Variants in GBP7 observed in about 807,000 individuals in gnomAD.
The protein encoded by GBP7 is guanylate-binding protein 7.
Under a neutral mutation model 61.3 loss-of-function variants are expected in GBP7, and 43 were observed. The observed-to-expected ratio is 0.70, with a 90% CI of 0.55 to 0.91. The LOEUF (loss-of-function observed/expected upper bound fraction) is 0.91, where lower values mean the gene tolerates loss of function less well. Ranked by LOEUF, GBP7 falls within the 40% of genes least tolerant of loss-of-function variation. The pLI, the probability that GBP7 is intolerant of heterozygous loss-of-function variation, is 0.00. For synonymous variants in GBP7, 267 were observed against 271.0 expected, an observed-to-expected ratio of 0.99 and a Z score of 0.14; for missense variants, 717 against 740.5, an observed-to-expected ratio of 0.97 and a Z score of 0.37.
chr1:89,152,809 A>C, intron 3 of GBP7, 32 bp from the exon 4 acceptor site: 1 of 1,499,986 alleles, frequency 6.7e-7, no homozygotes, highest in Non-Finnish European at 9.1e-7. Flanking sequence ...AAAAAAATGG[A>C]AGCCACAGTT....
intron 2 of GBP7, among the ~76,000 whole-genome samples, chr1:89,167,203 T>C (rs1299774967): frequency 6.6e-6 from 1 of 152,198 alleles, no homozygotes; most frequent in Non-Finnish European, 1.5e-5. Context: ...GGTATTCACT[T>C]GTTGAGCCCT....
chr1:89,163,716 C>G (rs1647340309), intron 3 of GBP7, among the ~76,000 whole-genome samples: 1 of 152,114 alleles, frequency 6.6e-6, no homozygotes, highest in African/African-American at 2.4e-5. Context: ...AGCCAATTTG[C>G]AAATTTTTGT....
intron 8 of GBP7, among the ~76,000 whole-genome samples, chr1:89,142,609 A>G (rs1235667085): frequency 6.6e-6 from 1 of 152,170 alleles, no homozygotes; most frequent in Non-Finnish European, 1.5e-5. Flanking sequence ...AAAATGGGAA[A>G]TTACCAATCA....
At position 89,149,363 on chromosome 1, in the gene GBP7, T is replaced by G. The variant is rs748355172; in HGVS notation, c.1081A>C (p.Arg361=). 3.1e-6 allele frequency: 5 copies of G among 1,614,174 alleles called. No homozygotes were observed. The South Asian group carries it at 4.4e-5, about 14-fold the overall frequency. ...TCCATGAAGACTGCAATGGCTTCCC[T>G]CTCACAAACTGCATGCACGTCCAGC... The part of the protein sequence containing the change: ...ELLDVHAVCE[R]EAIAVFMEYS... The change falls in exon 7 of 11, where the codon AGG becomes CGG. Residue 361 remains arginine, a synonymous_variant. Coordinates refer to ENST00000294671, the MANE Select transcript of GBP7 (RefSeq NM_207398.3).
At chr1:89,147,939 A>G (rs367940305) in intron 7 of GBP7, among the ~76,000 whole-genome samples, 160 bp from the exon 8 acceptor site, 24 of 152,328 alleles carry the variant, frequency 1.6e-4, no homozygotes, top group African/African-American at 4.6e-4. Context: ...GTTCTGGTCA[A>G]TTCTCTGCAT....
intron 3 of GBP7, among the ~76,000 whole-genome samples, chr1:89,163,214 G>A (rs1647324429): frequency 6.6e-6 from 1 of 152,034 alleles, no homozygotes; most frequent in Admixed American, 6.6e-5. Flanking sequence ...ATATTGGCCT[G>A]AAATTTTCTC....
At chr1:89,160,613 G>C (rs1049080812) in intron 3 of GBP7, among the ~76,000 whole-genome samples, 3 of 152,136 alleles carry the variant, frequency 2.0e-5, no homozygotes, top group African/African-American at 7.2e-5. Flanking sequence ...TATTTACTGA[G>C]TGCTTAGAAT....
chr1:89,134,377 A>C (rs929577287), intron 9 of GBP7, among the ~76,000 whole-genome samples: 3 of 152,076 alleles, frequency 2.0e-5, no homozygotes, highest in African/African-American at 7.2e-5. Context: ...GCTGCTCACC[A>C]ATGACCTTGG....
At chr1:89,167,547 G>A (rs1168027911) in intron 2 of GBP7, among the ~76,000 whole-genome samples, 1 of 152,156 alleles carries the variant, frequency 6.6e-6, no homozygotes, top group Non-Finnish European at 1.5e-5. Flanking sequence ...CATCTGCCAA[G>A]AGCAAAAATA....
intron 2 of GBP7, among the ~76,000 whole-genome samples, chr1:89,167,090 C>T (rs1485341971): frequency 1.2e-4 from 19 of 152,244 alleles, no homozygotes; most frequent in Middle Eastern, 6.8e-3. Flanking sequence ...CTTTGGAGAA[C>T]TACTTTCTCT....
At chr1:89,142,312 C>G (rs1237867455) in intron 8 of GBP7, among the ~76,000 whole-genome samples, 5 of 152,100 alleles carry the variant, frequency 3.3e-5, no homozygotes, top group Non-Finnish European at 7.4e-5. Context: ...AGCACAAGTT[C>G]AATGGTATTA....
chr1:89,150,486 G>A lies in GBP7; in HGVS notation c.715C>T (p.Pro239Ser), dbSNP rs754174586. 1.9e-6 allele frequency: 3 copies of A among 1,613,970 alleles called. No homozygotes were observed. Among genetic ancestry groups the A allele is most frequent in the East Asian group, 4.5e-5 (2 of 44,864 alleles). Residue 239 changes from proline to serine, a missense_variant, in exon 6 of 11, where the codon CCA (proline) becomes TCA (serine). By Grantham distance (74) the Pro-to-Ser change is moderately conservative (BLOSUM62 -1). Transcript: ENST00000294671. ...AGTAAGAGTTTTTTGTCATTTATTG[G>A]CCGGTCAAAGACAAAGCACTTCTGT... Reference protein sequence around the residue: ...PKQKCFVFDRPINDKKLLLHV... With the variant: ...PKQKCFVFDRSINDKKLLLHV...
intron 8 of GBP7, 135 bp from the exon 9 acceptor site, chr1:89,141,783 C>T (rs1287631170): frequency 5.6e-5 from 38 of 683,118 alleles, no homozygotes; most frequent in Non-Finnish European, 7.0e-5. Context: ...ACAGTGGTTT[C>T]TTTCCTTCCA....
At chr1:89,135,453 G>A (rs1171843866) in intron 9 of GBP7, among the ~76,000 whole-genome samples, 1 of 152,090 alleles carries the variant, frequency 6.6e-6, no homozygotes, top group Non-Finnish European at 1.5e-5. Context: ...TTGAGAAAAG[G>A]GGCAGGTCTT....
intron 9 of GBP7, among the ~76,000 whole-genome samples, chr1:89,140,722 C>A (rs551258064): frequency 9.1e-4 from 138 of 152,238 alleles, no homozygotes; most frequent in Non-Finnish European, 1.7e-3. Context: ...GAAAATAAAT[C>A]ATTCTACCAT....
At chr1:89,158,778 C>T (rs1373495349) in intron 3 of GBP7, among the ~76,000 whole-genome samples, 1 of 152,068 alleles carries the variant, frequency 6.6e-6, no homozygotes, top group Non-Finnish European at 1.5e-5. Flanking sequence ...GAAAATGGCC[C>T]TACTGCCCAA....
At chr1:89,158,300 C>T (rs536464434) in intron 3 of GBP7, among the ~76,000 whole-genome samples, 33 of 152,148 alleles carry the variant, frequency 2.2e-4, no homozygotes, top group Non-Finnish European at 4.3e-4. Flanking sequence ...AAAAGTGGCA[C>T]AAGACGGGAT....
rs34186424 is a variant in GBP7 at position 89,168,781 on chromosome 1, AAACAAC to A, written c.190+2959_190+2964del. 5.2e-3 allele frequency among the ~76,000 whole-genome samples: 778 copies of A among 150,168 alleles called. 3 individuals are homozygous for A. Among genetic ancestry groups the A allele is most frequent in the African/African-American group, 0.017 (711 of 40,644 alleles). On this transcript the variant is annotated intron_variant, in intron 2 of 10. Coordinates refer to ENST00000294671, the MANE Select transcript of GBP7 (RefSeq NM_207398.3). Reference sequence around the variant, plus strand: ...GAAACCCTGTCTCTACTAAAAATACAAACAACAACAACAACAACAACAACAACAACA... The same window carrying A: ...GAAACCCTGTCTCTACTAAAAATACAAACAACAACAACAACAACAACAACA...
At chr1:89,156,986 G>A (rs1682331597) in intron 3 of GBP7, among the ~76,000 whole-genome samples, 1 of 152,162 alleles carries the variant, frequency 6.6e-6, no homozygotes, top group Non-Finnish European at 1.5e-5. Flanking sequence ...TAAAAGAACA[G>A]AAATTATGAC....
Sources: allele counts gnomAD v4.1 joint callset (sites outside exome capture counted in the v4.1 genomes callset), GRCh38; gene constraint gnomAD v4.1.1; transcripts MANE v1.5; gene names NCBI Gene and HGNC (gene_info 2026-07-23, HGNC 2026-07-21).